ATM: variants seen among roughly 807,000 people sequenced by gnomAD.
ATM encodes the protein serine-protein kinase ATM.
A neutral mutation model predicts 387.0 loss-of-function variants in ATM; 308 were observed. That is an observed-to-expected ratio of 0.80 (90% CI 0.73 to 0.87). The LOEUF is 0.87. Ranked by LOEUF, ATM falls within the 40% of genes least tolerant of loss-of-function variation. The pLI is 0.00. For synonymous variants in ATM, 1,156 were observed against 1,187.3 expected (o/e 0.97, Z 0.54); for missense variants, 3,312 against 3,560.9 (o/e 0.93, Z 1.78).
intron 10 of ATM, 63 bp downstream of exon 10, chr11:108,251,135 C>T (rs2135330799): frequency 1.3e-6 from 2 of 1,598,124 alleles, no homozygotes; most frequent in Non-Finnish European, 1.7e-6. Flanking sequence ...CACACACTCA[C>T]ATATCCCTGA....
chr11:108,368,723 A>C lies in ATM; in HGVS notation c.*3215A>C, dbSNP rs1343254576. On this transcript the variant is annotated 3_prime_UTR_variant, in exon 63 of 63. Transcript: ENST00000675843. The stretch of plus-strand genomic sequence containing the variant: ...AACAGTTGTGTCCAGATTAAGGGAG[A>C]TAATAGCTTTCCCACCCTACTTTGT... 4.6e-6 allele frequency: 1 copy of C among 215,114 alleles called. No individual in the cohort carries two copies. Among genetic ancestry groups the C allele is most frequent in the Non-Finnish European group, 9.4e-6 (1 of 106,694 alleles). The allele number at this position is 215,114 out of a possible 1,614,324, so 13.3% of individuals were successfully genotyped here.
intron 56 of ATM, among the ~76,000 whole-genome samples, chr11:108,340,795 C>T (rs2087459433): frequency 6.6e-6 from 1 of 152,166 alleles, no homozygotes; most frequent in South Asian, 2.1e-4. Context: ...AAGCATTTGC[C>T]TATAACCTAT....
intron 59 of ATM, among the ~76,000 whole-genome samples, chr11:108,351,079 TTGAA>T (rs1183949910): frequency 6.6e-6 from 1 of 152,186 alleles, no homozygotes; most frequent in African/African-American, 2.4e-5. Context: ...TATAATGAGA[TTGAA>T]TGAATAATAA....
rs2091385230 is a variant in ATM, at chr11:108,367,327, T to TGTAA, written c.*1822_*1825dup. 5.4e-6 allele frequency: 1 copy of TGTAA among 183,920 alleles called. No homozygotes were observed. The highest frequency in any genetic ancestry group is 2.4e-5 in the African/African-American group (1 of 42,536). The allele number at this position is 183,920 out of a possible 1,614,324, so 11.4% of individuals were successfully genotyped here. ...TTGACCGTAAGGATTTCCCCTTTCTTGTAAGTTCTGCTATGTATTTAAAAG... is the reference window on the plus strand; with the variant it reads ...TTGACCGTAAGGATTTCCCCTTTCTTGTAAGTAAGTTCTGCTATGTATTTAAAAG... On this transcript the variant is annotated 3_prime_UTR_variant, in exon 63 of 63. Transcript: ENST00000675843.
In ATM at chr11:108,335,184, T is replaced by G. The variant is rs186009167; in HGVS notation, c.8151+75T>G. The G allele has an allele frequency of 1.4e-4, 224 of 1,605,932 alleles. 1 individual carries two copies. The African/African-American group carries it at 2.4e-3, about 17-fold the overall frequency. On this transcript the variant is annotated intron_variant, in intron 55 of 62. Coordinates refer to ENST00000675843, the MANE Select transcript of ATM (RefSeq NM_000051.4). ...TTTTTAGTTCATATTTTCTTTCTGCTTTATTTGGGATTTTGTCTTTATTTT... is the reference window on the plus strand; with the variant it reads ...TTTTTAGTTCATATTTTCTTTCTGCGTTATTTGGGATTTTGTCTTTATTTT...
chr11:108,261,116 C>G (rs1294762379), intron 16 of ATM, among the ~76,000 whole-genome samples: 1 of 152,224 alleles, frequency 6.6e-6, no homozygotes, highest in Non-Finnish European at 1.5e-5. Context: ...CCGGGAAGCT[C>G]GAACTAGGTG....
rs1565473483 is a variant in ATM, at chr11:108,299,727, C to A, written c.5019C>A (p.Ser1673Arg). 6.2e-7 allele frequency: 1 copy of A among 1,613,794 alleles called. No individual in the cohort carries two copies. Among genetic ancestry groups the A allele is most frequent in the Admixed American group, 1.7e-5 (1 of 60,008 alleles). The change falls in exon 34 of 63, where the codon AGC becomes AGA. Residue 1673 changes from serine (S) to arginine (R), a missense_variant. Coordinates refer to ENST00000675843, the MANE Select transcript of ATM (RefSeq NM_000051.4). ...GEKEVLEAVG[S>R]CLGEVGPIDF... ...TTCTATATGTAGAGGCTGTTGGAAG[C>A]TGCTTGGGAGAAGTGGGTCCTATAG...
chr11:108,260,249 G>A (rs528998965), intron 16 of ATM, among the ~76,000 whole-genome samples: 2 of 152,126 alleles, frequency 1.3e-5, no homozygotes, highest in East Asian at 3.9e-4. Context: ...TGGCCAGGCT[G>A]GTCTAGAATT....
At position 108,332,007 on chromosome 11, in the gene ATM, T is replaced by G. The variant is rs2136526693; in HGVS notation, c.7758T>G (p.Asn2586Lys). The G allele has an allele frequency of 6.2e-7, 1 of 1,614,020 alleles. No individual in the cohort carries two copies. Among genetic ancestry groups the G allele is most frequent in the Non-Finnish European group, 8.5e-7 (1 of 1,179,946 alleles). Residue 2586 changes from asparagine (N) to lysine (K), a missense_variant, in exon 52 of 63, where the codon AAT becomes AAG. Around this residue, in one of 4 missense-constraint regions of ATM, gnomAD observed 1,405 missense variants for 1,604.4 expected, o/e 0.88. Transcript: ENST00000675843. ...EVARRSRITK[N>K]VPKQSSQLDE... ...CCAGAAGAAGCAGAATAACTAAAAATGTGCCTAAACAAAGCTCTCAGCTTG... is the reference window on the plus strand; with the variant it reads ...CCAGAAGAAGCAGAATAACTAAAAAGGTGCCTAAACAAAGCTCTCAGCTTG...
intron 16 of ATM, among the ~76,000 whole-genome samples, chr11:108,265,285 A>G (rs949075703): frequency 9.2e-5 from 14 of 152,092 alleles, no homozygotes; most frequent in African/African-American, 3.1e-4. Context: ...CAAAACAGAG[A>G]TATAGATCAA....
rs864622097 is a variant in ATM at position 108,281,081 on chromosome 11, C to A, written c.3489C>A (p.Ser1163=). ...VLLTLIAVVL[S]CSPICEKQAL... is the part of the protein sequence containing the mutation. ...TGACGTTGATAGCTGTGGTTTTATC[C>A]TGTAGCCCTATCTGCGAAAAACAGG... Residue 1163 remains serine, a synonymous_variant, in exon 24 of 63, where the codon TCC becomes TCA. Transcript: ENST00000675843. 1 of 1,613,688 alleles carries A rather than the reference C, an allele frequency of 6.2e-7. No individual in the cohort carries two copies. The highest frequency in any genetic ancestry group is 1.1e-5 in the South Asian group (1 of 91,068).
At position 108,368,082 on chromosome 11, in the gene ATM, A is replaced by G. The variant is rs2091425189; in HGVS notation, c.*2574A>G. On this transcript the variant is annotated 3_prime_UTR_variant, in exon 63 of 63. Transcript: ENST00000675843. Reference sequence around the variant, plus strand: ...AATCTACTCTTTAGCCTTGCATGGTATGCTATGAGGCTCCTGTTCTGTTCA... The same window carrying G: ...AATCTACTCTTTAGCCTTGCATGGTGTGCTATGAGGCTCCTGTTCTGTTCA... 4.8e-6 allele frequency: 1 copy of G among 208,316 alleles called. No homozygotes were observed. Among genetic ancestry groups the G allele is most frequent in the African/African-American group, 2.3e-5 (1 of 43,924 alleles). 12.9% of individuals were successfully genotyped at this position (208,316 alleles called of 1,614,324 possible). A position where few individuals can be genotyped will look rare whatever the true frequency, so the allele number is the denominator to read the frequency against.
At chr11:108,314,521 T>C (rs189449353) in intron 40 of ATM, among the ~76,000 whole-genome samples, 6 of 152,186 alleles carry the variant, frequency 3.9e-5, no homozygotes, top group East Asian at 1.9e-4. Context: ...TTCATGAAAT[T>C]GTAGGCAATT....
chr11:108,307,827 AT>A (rs913169319), intron 37 of ATM, 69 bp from the exon 38 acceptor site: 1 of 1,389,588 alleles, frequency 7.2e-7, no homozygotes, highest in African/African-American at 1.4e-5. Flanking sequence ...AGACAGACAC[AT>A]AAACAAGAAG....
chr11:108,226,313 A>G (rs893196406), intron 1 of ATM: 5 of 152,084 alleles, frequency 3.3e-5, no homozygotes, highest in African/African-American at 9.7e-5. Flanking sequence ...CAACCCTCAA[A>G]CAGTCCCCAG....
chr11:108,308,197 C>G (rs188507535), intron 38 of ATM: 378 of 567,788 alleles, frequency 6.7e-4, no homozygotes, highest in Admixed American at 3.1e-3. Context: ...ACCAGCTGTA[C>G]CAGTAACCAT....
intron 61 of ATM, among the ~76,000 whole-genome samples, 173 bp from the exon 62 acceptor site, chr11:108,364,909 G>A (rs1019027303): frequency 3.3e-5 from 5 of 152,186 alleles, no homozygotes; most frequent in Non-Finnish European, 7.4e-5. Flanking sequence ...GAAGCTTGGA[G>A]CATTATGCTA....
intron 32 of ATM, chr11:108,297,028 G>A (rs1273483887): frequency 2.4e-6 from 1 of 424,460 alleles, no homozygotes; most frequent in Non-Finnish European, 4.4e-6. Context: ...TTTTGCTAAG[G>A]TGTTGACTTA....
chr11:108,312,365 C>T (rs2084236356), intron 39 of ATM, 46 bp from the exon 40 acceptor site: 1 of 1,423,632 alleles, frequency 7.0e-7, no homozygotes, highest in Non-Finnish European at 9.9e-7. Flanking sequence ...TCAGGAGCTT[C>T]CAAATAGTAT....
Sources: allele counts gnomAD v4.1 joint callset (sites outside exome capture counted in the v4.1 genomes callset), GRCh38; gene constraint gnomAD v4.1.1; regional missense constraint gnomAD v4.1.1; transcripts MANE v1.5; gene names NCBI Gene and HGNC (gene_info 2026-07-23, HGNC 2026-07-21).